PTPRS: variants seen among roughly 807,000 people sequenced by gnomAD.
PTPRS encodes receptor-type tyrosine-protein phosphatase S.
In PTPRS, 63 loss-of-function variants were observed where a neutral mutation model predicts 215.3. That is an observed-to-expected ratio of 0.29 (90% CI 0.24 to 0.36). PTPRS has a LOEUF of 0.36. Ranked by LOEUF, PTPRS falls within the 10% of genes least tolerant of loss-of-function variation. The pLI is 1.00. For missense variants in PTPRS, 2,258 were observed against 2,825.8 expected (o/e 0.80, Z 4.56); for synonymous variants, 1,404 against 1,191.4 (o/e 1.18, Z -3.68).
At chr19:5,320,516 G>A (rs1413369149) in intron 1 of PTPRS, among the ~76,000 whole-genome samples, 1 of 152,172 alleles carries the variant, frequency 6.6e-6, no homozygotes, top group Non-Finnish European at 1.5e-5. Context: ...TGCAAACTCT[G>A]CCTCAAACGA....
intron 1 of PTPRS, among the ~76,000 whole-genome samples, chr19:5,325,081 A>C (rs1164568487): frequency 6.6e-6 from 1 of 152,212 alleles, no homozygotes; most frequent in Non-Finnish European, 1.5e-5. Flanking sequence ...CCTCCCCGAC[A>C]ATCACTGGGG....
intron 11 of PTPRS, 60 bp downstream of exon 11, chr19:5,243,841 G>T (rs2044253420): frequency 2.2e-6 from 3 of 1,340,406 alleles, no homozygotes; most frequent in Non-Finnish European, 3.0e-6. Context: ...CTTCCAGGGA[G>T]CATGCAAAGA....
chr19:5,219,441 G>T lies in PTPRS; in HGVS notation c.3792C>A (p.Asp1264Glu), dbSNP rs1239728663. 3.1e-6 allele frequency: 5 copies of T among 1,604,716 alleles called. No homozygotes were observed. The highest frequency in any genetic ancestry group is 4.3e-6 in the Non-Finnish European group (5 of 1,175,600). Residue 1264 changes from aspartate to glutamate, a missense_variant, in exon 23 of 38, where the codon GAC becomes GAA. By Grantham distance (45) the Asp-to-Glu change is conservative. This residue lies in a region of PTPRS where 927 missense variants were observed against 1,125.9 expected (regional missense o/e 0.82). Transcript: ENST00000262963. The stretch of plus-strand genomic sequence containing the variant: ...GGTCCGGGTTATCCAGCTGGAAGGG[G>T]TCTGAGAAGGGACTGGCTGCAAAGG... ...EPTFAASPFS[D>E]PFQLDNPDPQ...
intron 17 of PTPRS, among the ~76,000 whole-genome samples, chr19:5,224,072 A>C (rs1047490513): frequency 6.6e-6 from 1 of 152,014 alleles, no homozygotes; most frequent in Non-Finnish European, 1.5e-5. Context: ...CCAGCTACTC[A>C]GGAGGCTGTG....
intron 2 of PTPRS, among the ~76,000 whole-genome samples, chr19:5,276,522 C>A (rs1233959232): frequency 7.9e-6 from 1 of 126,688 alleles, no homozygotes; most frequent in Non-Finnish European, 1.7e-5. Context: ...TGCGCCTGGC[C>A]TGGAGTACGT....
At chr19:5,297,892 ACAC>A (rs1235852557) in intron 1 of PTPRS, among the ~76,000 whole-genome samples, 1 of 148,208 alleles carries the variant, frequency 6.7e-6, no homozygotes, top group Non-Finnish European at 1.5e-5. Context: ...TCCCGGGTTC[ACAC>A]AATTCTCCTG....
In PTPRS at chr19:5,332,836, A is replaced by C. The variant is rs2050370947; in HGVS notation, c.-95+7828T>G. Among the ~76,000 whole-genome samples the C allele has an allele frequency of 2.0e-5, 3 of 152,344 alleles. 1 individual carries two copies. The highest frequency in any genetic ancestry group is 6.8e-3 in the Middle Eastern group (2 of 294). On this transcript the variant is annotated intron_variant, in intron 1 of 37. Coordinates refer to ENST00000262963, the MANE Select transcript of PTPRS (RefSeq NM_002850.4). Reference sequence around the variant, plus strand: ...AGCCCAGCTCTGGGGGCTTTCAGAGAACTCTGACCGCACATCTAAAAAATG... The same window carrying C: ...AGCCCAGCTCTGGGGGCTTTCAGAGCACTCTGACCGCACATCTAAAAAATG...
chr19:5,220,882 T>C, intron 20 of PTPRS, 118 bp downstream of exon 20: 4 of 1,225,244 alleles, frequency 3.3e-6, no homozygotes, highest in Non-Finnish European at 4.6e-6. Context: ...CTAGGGCTGA[T>C]AGGGTCTGTG....
rs2044849014 is a variant in PTPRS at position 5,249,976 on chromosome 19, T to C, written c.719-3931A>G. On this transcript the variant is annotated intron_variant, in intron 9 of 37. Transcript: ENST00000262963. ...AGGTACCTTTAACTTTTTTTAGAAG[T>C]AGAGACAAGGGGATACCTGTTGAAT... 2.0e-5 allele frequency among the ~76,000 whole-genome samples: 3 copies of C among 152,162 alleles called. No homozygotes were observed. In the South Asian group the frequency reaches 6.2e-4, roughly 32 times the overall value.
Position 5,222,789 on chromosome 19 carries a change from C to A in PTPRS, c.3003G>T (p.Lys1001Asn). Residue 1001 changes from lysine to asparagine, a missense_variant, in exon 18 of 38, where the codon AAG becomes AAT. Lys to Asn is a moderately conservative substitution (Grantham distance 94). Coordinates refer to ENST00000262963, the MANE Select transcript of PTPRS (RefSeq NM_002850.4). Reference sequence around the variant, plus strand: ...CTTGGAGGTCATAGGCCGTGTCGGGCTTCAGGCCCTGCAGCGTGAGCGCGT... The same window carrying A: ...CTTGGAGGTCATAGGCCGTGTCGGGATTCAGGCCCTGCAGCGTGAGCGCGT... ...AENALTLQGL[K>N]PDTAYDLQVR... The A allele has an allele frequency of 6.3e-7, 1 of 1,598,724 alleles. No homozygotes were observed. Among genetic ancestry groups the A allele is most frequent in the Non-Finnish European group, 8.5e-7 (1 of 1,178,640 alleles).
chr19:5,223,082 G>A lies in PTPRS; in HGVS notation c.2710C>T (p.Arg904Trp), dbSNP rs1269321557. The part of the protein sequence containing the change: ...GVHKGATYVF[R>W]LAARSRGGLG... Reference sequence around the variant, plus strand: ...CCGCCGCGGCTCCGGGCCGCAAGCCGGAACACATACGTGGCCCCCTTGTGC... The same window carrying A: ...CCGCCGCGGCTCCGGGCCGCAAGCCAGAACACATACGTGGCCCCCTTGTGC... Residue 904 changes from arginine to tryptophan, a missense_variant, in exon 18 of 38, where the codon CGG becomes TGG. Arg to Trp is a moderately radical substitution (Grantham distance 101, BLOSUM62 -3). Around this residue, in one of 6 missense-constraint regions of PTPRS, gnomAD observed 361 missense variants for 332.6 expected, o/e 1.09. Transcript: ENST00000262963. 8.3e-6 allele frequency: 13 copies of A among 1,560,374 alleles called. No individual in the cohort carries two copies. Among genetic ancestry groups the A allele is most frequent in the Admixed American group, 3.8e-5 (2 of 52,652 alleles).
intron 4 of PTPRS, among the ~76,000 whole-genome samples, chr19:5,267,990 A>G (rs983310111): frequency 6.6e-6 from 1 of 152,102 alleles, no homozygotes; most frequent in African/African-American, 2.4e-5. Context: ...GAACATGGTG[A>G]AACCCCGTCT....
chr19:5,249,297 C>A (rs1001287670), intron 9 of PTPRS, among the ~76,000 whole-genome samples: 2 of 152,144 alleles, frequency 1.3e-5, no homozygotes, highest in Non-Finnish European at 1.5e-5. Flanking sequence ...GGTGACAGAG[C>A]GAGACTCCAT....
intron 1 of PTPRS, among the ~76,000 whole-genome samples, chr19:5,333,322 A>AATAAT (rs1230104560): frequency 7.0e-6 from 1 of 143,576 alleles, no homozygotes; most frequent in Non-Finnish European, 1.5e-5. Context: ...AAAAATAAAT[A>AATAAT]AATAATAATA....
rs368361739 is a variant in PTPRS at position 5,240,278 on chromosome 19, G to A, written c.1625C>T (p.Thr542Met). Residue 542 changes from threonine to methionine, a missense_variant, in exon 12 of 38, where the codon ACG (threonine) becomes ATG (methionine). Coordinates refer to ENST00000262963, the MANE Select transcript of PTPRS (RefSeq NM_002850.4). ...RAEARSETSI[T>M]LSWSPPRQES... is the part of the protein sequence containing the mutation. ...CTGCCGCGGGGGGCTCCAGGACAGC[G>A]TGATGCTGGTCTCCGACCTGGCCTC... 1.1e-5 allele frequency: 17 copies of A among 1,599,328 alleles called. No homozygotes were observed. The African/African-American group carries it at 1.3e-4, about 13-fold the overall frequency.
chr19:5,245,240 T>C (rs2044380634), intron 10 of PTPRS, among the ~76,000 whole-genome samples: 1 of 151,918 alleles, frequency 6.6e-6, no homozygotes, highest in Non-Finnish European at 1.5e-5. Context: ...TCTGCCCGCC[T>C]AGGCCTCCCA....
chr19:5,239,553 C>T (rs945689695), intron 12 of PTPRS, among the ~76,000 whole-genome samples: 4 of 148,450 alleles, frequency 2.7e-5, no homozygotes, highest in African/African-American at 1.0e-4. Flanking sequence ...GAGACAGATA[C>T]AGAGATAGAC....
Position 5,244,627 on chromosome 19 carries a change from C to G in PTPRS, c.989-145G>C. 1 of 665,660 alleles carries G rather than the reference C, an allele frequency of 1.5e-6. No homozygotes were observed. The highest frequency in any genetic ancestry group is 1.9e-5 in the South Asian group (1 of 51,410). 41.2% of individuals were successfully genotyped at this position (665,660 alleles called of 1,614,324 possible). The stretch of plus-strand genomic sequence containing the variant: ...TGGGCCTCATGACTCCTGTCATCGT[C>G]TACAGCAAGGGGTAACAAACTATGG... On this transcript the variant is annotated intron_variant, in intron 10 of 37. Transcript: ENST00000262963. The surrounding 1 kb of genome is among the most constrained non-coding windows in gnomAD (Gnocchi z 7.2).
intron 9 of PTPRS, 65 bp from the exon 10 acceptor site, chr19:5,246,110 A>T: frequency 8.8e-5 from 76 of 859,960 alleles, no homozygotes; most frequent in Non-Finnish European, 1.1e-4. Context: ...TGAGGTTGGG[A>T]GGGGAAGACA....
Sources: allele counts gnomAD v4.1 joint callset (sites outside exome capture counted in the v4.1 genomes callset), GRCh38; gene constraint gnomAD v4.1.1; regional missense constraint gnomAD v4.1.1; non-coding constraint Gnocchi (gnomAD v3.1); transcripts MANE v1.5; gene names NCBI Gene and HGNC (gene_info 2026-07-23, HGNC 2026-07-21).